TEPSIN: variants seen among roughly 807,000 people sequenced by gnomAD.
TEPSIN encodes the protein TEPSIN adaptor related protein complex 4 accessory protein.
A neutral mutation model predicts 48.5 loss-of-function variants in TEPSIN; 50 were observed. The observed-to-expected ratio is 1.03, with a 90% CI of 0.82 to 1.31. The LOEUF is 1.31. Among genes scored for constraint, TEPSIN ranks in the 50% most tolerant of loss-of-function variants. The pLI, the probability that TEPSIN is intolerant of heterozygous loss-of-function variation, is 0.00. For missense variants in TEPSIN, 838 were observed against 815.9 expected (o/e 1.03, Z -0.33); for synonymous variants, 392 against 358.8 (o/e 1.09, Z -1.05).
At chr17:81,238,811 C>T (rs1297839935) in intron 1 of TEPSIN, 175 bp downstream of exon 1, 1 of 1,332,454 alleles carries the variant, frequency 7.5e-7, no homozygotes, top group South Asian at 2.0e-5. Context: ...TTGGAAGGCC[C>T]CGGGACGGCG....
rs1488161506 is a variant in TEPSIN, at chr17:81,228,702, G to T, written c.*226C>A. The T allele has an allele frequency of 3.3e-6, 2 of 603,734 alleles. No homozygotes were observed. The allele number at this position is 603,734 out of a possible 1,614,324, so 37.4% of individuals were successfully genotyped here. On this transcript the variant is annotated 3_prime_UTR_variant, in exon 13 of 13. Coordinates refer to ENST00000637944, the MANE Select transcript of TEPSIN (RefSeq NM_001363764.2). ...AGGGACTGCCCCCTGAGAGCCCTGA[G>T]ATCGACATTTCTGAAGCCCTGCCAC...
intron 1 of TEPSIN, 61 bp downstream of exon 1, chr17:81,238,925 G>A (rs1428454808): frequency 1.1e-5 from 16 of 1,400,568 alleles, no homozygotes; most frequent in Non-Finnish European, 1.5e-5. Context: ...GGCGAGTCCG[G>A]GGAATGCGGC....
Position 81,230,878 on chromosome 17 carries a change from C to G in TEPSIN, c.1099-200G>C. On this transcript the variant is annotated intron_variant, in intron 11 of 12. Transcript: ENST00000637944. The surrounding 1 kb of genome is among the most constrained non-coding windows in gnomAD (Gnocchi z 4.2). The stretch of plus-strand genomic sequence containing the variant: ...AGACACCACAGCCCTGTCCTCACCA[C>G]CTTACACCCCCGCTCCCAGACACCA... The G allele has an allele frequency of 8.0e-6, 5 of 624,052 alleles. No homozygotes were observed. In the Admixed American group the frequency reaches 1.4e-4, roughly 18 times the overall value. 38.7% of individuals were successfully genotyped at this position (624,052 alleles called of 1,614,324 possible). A position where few individuals can be genotyped will look rare whatever the true frequency, so the allele number is the denominator to read the frequency against.
chr17:81,232,102 A>C (rs2062626624), intron 8 of TEPSIN, 81 bp from the exon 9 acceptor site: 2 of 1,509,156 alleles, frequency 1.3e-6, no homozygotes, highest in Non-Finnish European at 1.8e-6. Context: ...CTGGACCAGG[A>C]GGCCTCGGGG....
intron 1 of TEPSIN, chr17:81,237,836 T>C: frequency 2.1e-6 from 1 of 470,534 alleles, no homozygotes; most frequent in Non-Finnish European, 2.9e-6. Flanking sequence ...GGCAAGCCCC[T>C]TTTCCACACA....
chr17:81,238,472 C>T, intron 1 of TEPSIN: 1 of 429,928 alleles, frequency 2.3e-6, no homozygotes, highest in Non-Finnish European at 3.1e-6. Context: ...GGGAACTCGC[C>T]CCGGCCTCTA....
Position 81,228,722 on chromosome 17 carries a change from T to C in TEPSIN, c.*206A>G. On this transcript the variant is annotated 3_prime_UTR_variant, in exon 13 of 13. Transcript: ENST00000637944. ...CCTGAGATCGACATTTCTGAAGCCC[T>C]GCCACCTGCCATCCCTCGTAGGGAT... 1 of 641,882 alleles carries C rather than the reference T, an allele frequency of 1.6e-6. No individual in the cohort carries two copies. Among genetic ancestry groups the C allele is most frequent in the Non-Finnish European group, 2.6e-6 (1 of 377,598 alleles). 39.8% of individuals were successfully genotyped at this position (641,882 alleles called of 1,614,324 possible).
In TEPSIN at chr17:81,233,366, GC is replaced by G; in HGVS notation, c.526+65del. 6.4e-7 allele frequency: 1 copy of G among 1,564,642 alleles called. No individual in the cohort carries two copies. ...CTACTAGATGGGGCGGCATGGTCCG[GC>G]CCCCACCACCTCCTCATCCCCACAC... On this transcript the variant is annotated intron_variant, in intron 7 of 12. Transcript: ENST00000637944. The surrounding 1 kb of genome is among the most constrained non-coding windows in gnomAD (Gnocchi z 5.8).
intron 1 of TEPSIN, 178 bp from the exon 2 acceptor site, chr17:81,237,637 T>C: frequency 1.5e-6 from 1 of 662,070 alleles, no homozygotes; most frequent in East Asian, 2.8e-5. Context: ...CAGGGTCCTC[T>C]CTCAACAGTC....
chr17:81,237,710 A>C, intron 1 of TEPSIN: 1 of 566,478 alleles, frequency 1.8e-6, no homozygotes, highest in Non-Finnish European at 3.1e-6. Context: ...GAGCTGCGCC[A>C]CTTGGGTTAA....
At chr17:81,231,086 C>A in intron 11 of TEPSIN, 1 of 529,932 alleles carries the variant, frequency 1.9e-6, no homozygotes, top group Non-Finnish European at 3.3e-6. Flanking sequence ...CATGCACACA[C>A]ACACAGGCAC....
chr17:81,236,710 G>A lies in TEPSIN; in HGVS notation c.305C>T (p.Ala102Val), dbSNP rs1364926461. Residue 102 changes from alanine to valine, a missense_variant and splice_region_variant, in exon 4 of 13, where the codon GCA becomes GTA. Coordinates refer to ENST00000637944, the MANE Select transcript of TEPSIN (RefSeq NM_001363764.2). Reference sequence around the variant, plus strand: ...GAGCGCGTGCGCGGCCCCTGTACCTGCAGCTTCCTGGATGAAGGCAGAGTT... The same window carrying A: ...GAGCGCGTGCGCGGCCCCTGTACCTACAGCTTCCTGGATGAAGGCAGAGTT... ...KRNSAFIQEA[A>V]AFAGPPDPLH... 6.4e-7 allele frequency: 1 copy of A among 1,560,418 alleles called. No individual in the cohort carries two copies. The highest frequency in any genetic ancestry group is 1.2e-5 in the South Asian group (1 of 84,656).
In TEPSIN at chr17:81,230,554, T is replaced by C. The variant is rs1303452597; in HGVS notation, c.1223A>G (p.Lys408Arg). 1 of 1,611,840 alleles carries C rather than the reference T, an allele frequency of 6.2e-7. No individual in the cohort carries two copies. Among genetic ancestry groups the C allele is most frequent in the Non-Finnish European group, 8.5e-7 (1 of 1,179,306 alleles). The change falls in exon 12 of 13, where the codon AAG (lysine) becomes AGG (arginine). Residue 408 changes from lysine to arginine, a missense_variant. By Grantham distance (26) the Lys-to-Arg change is conservative. Coordinates refer to ENST00000637944, the MANE Select transcript of TEPSIN (RefSeq NM_001363764.2). The surrounding 1 kb of genome is among the most constrained non-coding windows in gnomAD (Gnocchi z 4.2). ...TCCGCAGCTGCCCACCTTGGTGGCC[T>C]TGTTGGTCACAGGTCCCGGGCTGCC... is the stretch of plus-strand genomic sequence containing the variant. ...SMGSPGPVTN[K>R]ATKILRHFEA...
rs2062779586 is a variant in TEPSIN, at chr17:81,239,046, C to A, written c.-13G>T. ...GCGCGGCAGCCATGATCCAGGTCCCCTCCCGGTCTGCCCCGCTTCCGCCAG... is the reference window on the plus strand; with the variant it reads ...GCGCGGCAGCCATGATCCAGGTCCCATCCCGGTCTGCCCCGCTTCCGCCAG... On this transcript the variant is annotated 5_prime_UTR_variant, in exon 1 of 13. In the 5' UTR this introduces an upstream ATG that the reference lacks. Transcript: ENST00000637944. The A allele has an allele frequency of 6.7e-7, 1 of 1,490,382 alleles. No individual in the cohort carries two copies. The highest frequency in any genetic ancestry group is 8.9e-7 in the Non-Finnish European group (1 of 1,125,344). 92.3% of individuals were successfully genotyped at this position (1,490,382 alleles called of 1,614,324 possible).
intron 11 of TEPSIN, 58 bp downstream of exon 11, chr17:81,231,340 C>T (rs2062602324): frequency 6.9e-7 from 1 of 1,445,636 alleles, no homozygotes; most frequent in South Asian, 1.3e-5. Flanking sequence ...CACACGCACA[C>T]ACACGCACAC....
In TEPSIN at chr17:81,230,967, C is replaced by T; in HGVS notation, c.1099-289G>A. On this transcript the variant is annotated intron_variant, in intron 11 of 12. Coordinates refer to ENST00000637944, the MANE Select transcript of TEPSIN (RefSeq NM_001363764.2). The surrounding 1 kb of genome is among the most constrained non-coding windows in gnomAD (Gnocchi z 4.2). ...CACCAGAGCCATGTCCTCCCCGGCT[C>T]CTGGACAGACCCCAGCGAGAAGCAC... is the stretch of plus-strand genomic sequence containing the variant. 2.0e-6 allele frequency: 1 copy of T among 499,880 alleles called. No individual in the cohort carries two copies. The highest frequency in any genetic ancestry group is 3.6e-6 in the Non-Finnish European group (1 of 280,446). 31.0% of individuals were successfully genotyped at this position (499,880 alleles called of 1,614,324 possible).
chr17:81,236,780 G>T lies in TEPSIN; in HGVS notation c.235C>A (p.Leu79Met). The change falls in exon 4 of 13, where the codon CTG becomes ATG. Residue 79 changes from leucine (L) to methionine (M), a missense_variant. By Grantham distance (15) the Leu-to-Met change is conservative. Transcript: ENST00000637944. ...KLKVLKILLY[L>M]CSHGSSFFLL... ...AAGAAGGAGGAGCCGTGGCTGCACA[G>T]ATAGAGCAGGATCTTCAGCACCTGG... The T allele has an allele frequency of 6.4e-7, 1 of 1,568,588 alleles. No homozygotes were observed. The highest frequency in any genetic ancestry group is 2.4e-5 in the East Asian group (1 of 42,128).
Position 81,233,098 on chromosome 17 carries a change from A to G in TEPSIN, c.526+334T>C. The stretch of plus-strand genomic sequence containing the variant: ...CTGCCCCACCTCATAACAGCTCCAC[A>G]CGGGACTGCCTGAGTCACCTGCACC... On this transcript the variant is annotated intron_variant, in intron 7 of 12. Transcript: ENST00000637944. This position sits in a 1 kb window ranked among gnomAD's most constrained non-coding sequence, Gnocchi z 5.8. 1 of 427,442 alleles carries G rather than the reference A, an allele frequency of 2.3e-6. No individual in the cohort carries two copies. The highest frequency in any genetic ancestry group is 4.2e-6 in the Non-Finnish European group (1 of 236,518). 26.5% of individuals were successfully genotyped at this position (427,442 alleles called of 1,614,324 possible). A position where few individuals can be genotyped will look rare whatever the true frequency, so the allele number is the denominator to read the frequency against.
chr17:81,231,423 C>T lies in TEPSIN; in HGVS notation c.1073G>A (p.Arg358His), dbSNP rs760792817. 5.5e-5 allele frequency: 85 copies of T among 1,559,600 alleles called. No homozygotes were observed. The highest frequency in any genetic ancestry group is 6.7e-5 in the Non-Finnish European group (77 of 1,152,040). Residue 358 changes from arginine (R) to histidine (H), a missense_variant, in exon 11 of 13, where the codon CGT becomes CAT. Arg to His is a conservative substitution (Grantham distance 29). Transcript: ENST00000637944. ...AVLQLLTCHL[R>H]GTSECTQLRA... ...CAGCTGCGTGCATTCACTGGTCCCA[C>T]GCAGGTGGCAGGTCAGCAGCTGCAG... is the stretch of plus-strand genomic sequence containing the variant.
Sources: allele counts gnomAD v4.1 joint callset, GRCh38; gene constraint gnomAD v4.1.1; non-coding constraint Gnocchi (gnomAD v3.1); transcripts MANE v1.5; gene names NCBI Gene and HGNC (gene_info 2026-07-23, HGNC 2026-07-21).